Variants in PKNOX2 observed in about 807,000 individuals in gnomAD.
PKNOX2 encodes the protein homeobox protein PKNOX2.
In PKNOX2, 14 loss-of-function variants were observed where a neutral mutation model predicts 53.1. That is an observed-to-expected ratio of 0.26 (90% confidence interval 0.17 to 0.41). PKNOX2 has a LOEUF of 0.41. PKNOX2 is among the 10% of genes least tolerant of loss of function. The probability of loss-of-function intolerance (pLI) is 1.00; values close to 1 mark genes in which losing one functional copy is unlikely to be tolerated. For synonymous variants in PKNOX2, 257 were observed against 242.8 expected, an observed-to-expected ratio of 1.06 and a Z score of -0.54; for missense variants, 496 against 602.8, an observed-to-expected ratio of 0.82 and a Z score of 1.85.
At chr11:125,423,202 C>G (rs1312518323) in intron 10 of PKNOX2, among the ~76,000 whole-genome samples, 1 of 152,144 alleles carries the variant, frequency 6.6e-6, no homozygotes, top group Non-Finnish European at 1.5e-5. Context: ...TGCCCAAGGT[C>G]TCACGCCGGT....
intron 2 of PKNOX2, among the ~76,000 whole-genome samples, chr11:125,272,980 G>T (rs1945909085): frequency 6.6e-6 from 1 of 152,214 alleles, no homozygotes; most frequent in South Asian, 2.1e-4. Flanking sequence ...TACTGTCACT[G>T]CCCATCACTC....
chr11:125,171,899 A>G (rs1335001038), intron 1 of PKNOX2, among the ~76,000 whole-genome samples: 1 of 152,202 alleles, frequency 6.6e-6, no homozygotes, highest in African/African-American at 2.4e-5. Flanking sequence ...CAATACACAG[A>G]CCTGAGAGAT....
At chr11:125,315,629 A>C (rs1949134652) in intron 2 of PKNOX2, among the ~76,000 whole-genome samples, 2 of 152,172 alleles carry the variant, frequency 1.3e-5, no homozygotes, top group African/African-American at 4.8e-5. Context: ...AGTGCATGGC[A>C]GCTAATGGTG....
chr11:125,362,616 C>T (rs1214523405), intron 4 of PKNOX2, among the ~76,000 whole-genome samples: 2 of 152,180 alleles, frequency 1.3e-5, no homozygotes, highest in African/African-American at 2.4e-5. Context: ...AGCAATCCTC[C>T]CACTTCAGCC....
chr11:125,252,645 G>A (rs553911422), intron 2 of PKNOX2, among the ~76,000 whole-genome samples: 2 of 152,216 alleles, frequency 1.3e-5, no homozygotes, highest in South Asian at 2.1e-4. Flanking sequence ...GGTGAATGTT[G>A]AGTGGTGGGG....
At chr11:125,291,960 G>A (rs1437727236) in intron 2 of PKNOX2, among the ~76,000 whole-genome samples, 3 of 152,122 alleles carry the variant, frequency 2.0e-5, no homozygotes, top group Admixed American at 1.3e-4. Flanking sequence ...TTCTGTTTGG[G>A]GTGATGGAAA....
At chr11:125,252,101 A>G (rs1321540486) in intron 2 of PKNOX2, among the ~76,000 whole-genome samples, 2 of 152,206 alleles carry the variant, frequency 1.3e-5, no homozygotes, top group African/African-American at 4.8e-5. Flanking sequence ...GCGCTCGTCA[A>G]GCGGTGAAGA....
chr11:125,199,700 G>A (rs1246098450), intron 1 of PKNOX2, among the ~76,000 whole-genome samples: 1 of 152,142 alleles, frequency 6.6e-6, no homozygotes, highest in Non-Finnish European at 1.5e-5. Flanking sequence ...AAGGAAATTA[G>A]CCAGATGTGG....
At chr11:125,178,716 A>AAGAG (rs1955956527) in intron 1 of PKNOX2, among the ~76,000 whole-genome samples, 1 of 129,410 alleles carries the variant, frequency 7.7e-6, no homozygotes, top group Non-Finnish European at 1.5e-5. Context: ...GAAAGAAAGA[A>AAGAG]AGAGAAAGGA....
intron 5 of PKNOX2, among the ~76,000 whole-genome samples, chr11:125,376,766 C>T (rs745448027): frequency 7.2e-5 from 11 of 152,092 alleles, no homozygotes; most frequent in Non-Finnish European, 1.5e-4. Context: ...CTTGGGAGTT[C>T]AGAGAGAGAG....
At chr11:125,257,957 A>T (rs558575486) in intron 2 of PKNOX2, among the ~76,000 whole-genome samples, 1 of 152,174 alleles carries the variant, frequency 6.6e-6, no homozygotes, top group Non-Finnish European at 1.5e-5. Flanking sequence ...CTTCCCAAGA[A>T]GGAAAAGTGG....
intron 2 of PKNOX2, among the ~76,000 whole-genome samples, chr11:125,327,106 G>A (rs976110784): frequency 3.3e-5 from 5 of 152,196 alleles, no homozygotes; most frequent in Non-Finnish European, 5.9e-5. Flanking sequence ...ATACCAGAGT[G>A]GGGGTAACCT....
intron 3 of PKNOX2, among the ~76,000 whole-genome samples, chr11:125,340,095 A>G (rs190591150): frequency 3.9e-5 from 6 of 152,338 alleles, no homozygotes; most frequent in Admixed American, 3.3e-4. Context: ...AATGCAATGA[A>G]ATATTTAACA....
intron 2 of PKNOX2, among the ~76,000 whole-genome samples, chr11:125,267,104 T>G (rs1380232067): frequency 6.6e-6 from 1 of 152,206 alleles, no homozygotes; most frequent in Non-Finnish European, 1.5e-5. Context: ...CCCTGATCGG[T>G]ATCTCCATTT....
chr11:125,328,532 T>A (rs894287096), intron 2 of PKNOX2, among the ~76,000 whole-genome samples: 5 of 151,860 alleles, frequency 3.3e-5, no homozygotes, highest in Non-Finnish European at 7.4e-5. Context: ...GAAGGAGTAG[T>A]AAAAAGCTAC....
intron 1 of PKNOX2, among the ~76,000 whole-genome samples, chr11:125,223,246 T>C (rs1451205492): frequency 6.6e-6 from 1 of 152,054 alleles, no homozygotes; most frequent in Non-Finnish European, 1.5e-5. Flanking sequence ...TTTTTTTTTT[T>C]TGAGACAGAG....
At chr11:125,317,242 A>G (rs990524792) in intron 2 of PKNOX2, among the ~76,000 whole-genome samples, 7 of 152,154 alleles carry the variant, frequency 4.6e-5, no homozygotes, top group African/African-American at 1.2e-4. Flanking sequence ...GAACCCCTCA[A>G]AGTCATCTAT....
chr11:125,429,638 G>C (rs976286845), intron 11 of PKNOX2, among the ~76,000 whole-genome samples: 2 of 152,192 alleles, frequency 1.3e-5, no homozygotes, highest in Non-Finnish European at 1.5e-5. Context: ...GCCCTGATCC[G>C]AGCCCTTGGC....
At chr11:125,308,787 TA>T (rs1948619388) in intron 2 of PKNOX2, among the ~76,000 whole-genome samples, 1 of 152,182 alleles carries the variant, frequency 6.6e-6, no homozygotes, top group African/African-American at 2.4e-5. Context: ...TTCTCACTAG[TA>T]GGACTCCCTC....
Sources: allele counts gnomAD v4.1 joint callset (sites outside exome capture counted in the v4.1 genomes callset), GRCh38; gene constraint gnomAD v4.1.1; transcripts MANE v1.5; gene names NCBI Gene and HGNC (gene_info 2026-07-23, HGNC 2026-07-21).